Variants in ALMS1 observed in about 807,000 individuals in gnomAD.
ALMS1 encodes the protein ALMS1 centrosome and basal body associated protein, also known as centrosome-associated protein ALMS1.
A neutral mutation model predicts 352.2 loss-of-function variants in ALMS1; 271 were observed. The observed-to-expected ratio is 0.77, with a 90% CI of 0.70 to 0.85. ALMS1 has a LOEUF of 0.85. Among genes scored for constraint, ALMS1 ranks in the 40% least tolerant of loss-of-function variants. ALMS1 has a pLI of 0.00. For synonymous variants in ALMS1, 1,865 were observed against 1,761.2 expected (o/e 1.06, Z -1.48); for missense variants, 5,445 against 4,870.7 (o/e 1.12, Z -3.51).
chr2:73,522,364 C>A (rs1269469033), intron 11 of ALMS1, among the ~76,000 whole-genome samples: 1 of 152,006 alleles, frequency 6.6e-6, no homozygotes, highest in African/African-American at 2.4e-5. Context: ...ACGGGAACGA[C>A]CAAATAGAAT....
chr2:73,404,104 G>A (rs12475618), intron 1 of ALMS1, among the ~76,000 whole-genome samples: 3,413 of 152,244 alleles, frequency 0.022, 127 homozygotes, highest in Admixed American at 0.089. Flanking sequence ...CACCATTGCT[G>A]GTCAGGGTGG....
chr2:73,556,642 T>TGG (rs1553416773), intron 13 of ALMS1, among the ~76,000 whole-genome samples: 16 of 139,474 alleles, frequency 1.1e-4, no homozygotes, highest in African/African-American at 4.0e-4. Flanking sequence ...CCTTTTTTTT[T>TGG]TTGTTTTTTT....
At chr2:73,457,534 G>A (rs546751243) in intron 9 of ALMS1, among the ~76,000 whole-genome samples, 6 of 152,050 alleles carry the variant, frequency 3.9e-5, no homozygotes, top group African/African-American at 1.2e-4. Flanking sequence ...ATTACGCCTC[G>A]CCCTATGTAA....
chr2:73,405,641 C>T (rs1670957982), intron 1 of ALMS1, among the ~76,000 whole-genome samples: 2 of 150,770 alleles, frequency 1.3e-5, no homozygotes, highest in South Asian at 4.2e-4. Flanking sequence ...TTTTCTAGTT[C>T]TTCAAGGTGT....
Position 73,448,573 on chromosome 2 carries a change from C to T in ALMS1, c.2046C>T (p.Thr682=), listed in dbSNP as rs549883815. The T allele has an allele frequency of 6.2e-7, 1 of 1,613,824 alleles. No individual in the cohort carries two copies. Among genetic ancestry groups the T allele is most frequent in the South Asian group, 1.1e-5 (1 of 91,072 alleles). The change falls in exon 8 of 23, where the codon ACC becomes ACT. Residue 682 remains threonine (T), a synonymous_variant. Coordinates refer to ENST00000613296, the MANE Select transcript of ALMS1 (RefSeq NM_001378454.1). ...ACCTCCTCTTTTTCTATCGACAGAC[C>T]TTGCCAGATGGTCATCTAACTGATC... is the stretch of plus-strand genomic sequence containing the variant. The part of the protein sequence containing the change: ...VEDLLFFYRQ[T]LPDGHLTDQA...
At chr2:73,584,988 T>C (rs1675276511) in intron 16 of ALMS1, among the ~76,000 whole-genome samples, 1 of 152,226 alleles carries the variant, frequency 6.6e-6, no homozygotes, top group Non-Finnish European at 1.5e-5. Flanking sequence ...TAGTATTCCA[T>C]GGTGTATATG....
intron 20 of ALMS1, among the ~76,000 whole-genome samples, chr2:73,602,827 A>T (rs1407906857): frequency 6.6e-6 from 1 of 152,184 alleles, no homozygotes; most frequent in Non-Finnish European, 1.5e-5. Context: ...TCAAAGGGAG[A>T]TTAAGTACCT....
chr2:73,513,309 C>G (rs995291504), intron 10 of ALMS1, among the ~76,000 whole-genome samples: 1 of 152,142 alleles, frequency 6.6e-6, no homozygotes, highest in African/African-American at 2.4e-5. Flanking sequence ...TATGGACACT[C>G]TCCCCACCCC....
chr2:73,524,465 A>T (rs1673747368), intron 11 of ALMS1, among the ~76,000 whole-genome samples: 1 of 151,498 alleles, frequency 6.6e-6, no homozygotes, highest in Non-Finnish European at 1.5e-5. Context: ...TTAAGTATTT[A>T]TTTTTTTTGA....
Position 73,491,003 on chromosome 2 carries a change from A to T in ALMS1, c.9044A>T (p.Lys3015Met). 6.2e-7 allele frequency: 1 copy of T among 1,614,240 alleles called. No individual in the cohort carries two copies. Among genetic ancestry groups the T allele is most frequent in the South Asian group, 1.1e-5 (1 of 91,080 alleles). ...ATTTCTAATATAAATGTTGAAGCCA[A>T]GTTCAATACTGTGGTCTCCCAGTCA... ...SHISNINVEA[K>M]FNTVVSQSAP... is the part of the protein sequence containing the mutation. Residue 3015 changes from lysine (K) to methionine (M), a missense_variant, in exon 10 of 23, where the codon AAG (lysine) becomes ATG (methionine). Transcript: ENST00000613296.
chr2:73,399,749 T>C (rs760749414), intron 1 of ALMS1, among the ~76,000 whole-genome samples: 2 of 152,020 alleles, frequency 1.3e-5, no homozygotes, highest in African/African-American at 2.4e-5. Flanking sequence ...AAGCTTCGAG[T>C]TTCATTAGGT....
At position 73,419,184 on chromosome 2, in the gene ALMS1, C is replaced by A; in HGVS notation, c.512C>A (p.Ser171Tyr). The A allele has an allele frequency of 1.2e-6, 2 of 1,614,012 alleles. No homozygotes were observed. Among genetic ancestry groups the A allele is most frequent in the South Asian group, 2.2e-5 (2 of 91,078 alleles). ...GACTCTTCCCAAACCTTGGATACAT[C>A]CCAGACTAGGTTTAATGTGAGAACG... ...EMDSSQTLDT[S>Y]QTRFNVRTED... The change falls in exon 3 of 23, where the codon TCC becomes TAC. Residue 171 changes from serine to tyrosine, a missense_variant. By Grantham distance (144) the Ser-to-Tyr change is moderately radical. Coordinates refer to ENST00000613296, the MANE Select transcript of ALMS1 (RefSeq NM_001378454.1).
intron 10 of ALMS1, among the ~76,000 whole-genome samples, chr2:73,512,270 A>G (rs1673468201): frequency 6.6e-6 from 1 of 152,038 alleles, no homozygotes; most frequent in South Asian, 2.1e-4. Context: ...TTTTTAGTAG[A>G]GATGGGGTTT....
At position 73,519,833 on chromosome 2, in the gene ALMS1, G is replaced by A; in HGVS notation, c.9598G>A (p.Ala3200Thr). The A allele has an allele frequency of 1.2e-6, 2 of 1,613,842 alleles. No homozygotes were observed. The highest frequency in any genetic ancestry group is 1.7e-6 in the Non-Finnish European group (2 of 1,179,776). The change falls in exon 11 of 23, where the codon GCA becomes ACA. Residue 3200 changes from alanine (A) to threonine (T), a missense_variant. Physicochemically the swap from Ala to Thr is moderately conservative, Grantham distance 58. Transcript: ENST00000613296. ...TTTCTCTGAAAAATTGTCATCTGAT[G>A]CAGTCACTCAGATAACAACAGAAAG... is the stretch of plus-strand genomic sequence containing the variant. ...SAFSEKLSSD[A>T]VTQITTESPE...
chr2:73,591,314 CA>C (rs1675428224), intron 16 of ALMS1, among the ~76,000 whole-genome samples: 1 of 152,120 alleles, frequency 6.6e-6, no homozygotes, highest in African/African-American at 2.4e-5. Context: ...TTTTAATCTA[CA>C]TGGAATTTAT....
chr2:73,427,495 CT>C (rs1177986870), intron 6 of ALMS1, among the ~76,000 whole-genome samples: 24 of 147,910 alleles, frequency 1.6e-4, no homozygotes, highest in African/African-American at 3.0e-4. Context: ...TTATATCAGC[CT>C]TTTTTTTTTA....
At position 73,490,262 on chromosome 2, in the gene ALMS1, C is replaced by T; in HGVS notation, c.8303C>T (p.Thr2768Ile). 6.2e-7 allele frequency: 1 copy of T among 1,613,972 alleles called. No individual in the cohort carries two copies. Among genetic ancestry groups the T allele is most frequent in the Non-Finnish European group, 8.5e-7 (1 of 1,179,996 alleles). Residue 2768 changes from threonine to isoleucine, a missense_variant, in exon 10 of 23, where the codon ACC becomes ATC. By Grantham distance (89) the Thr-to-Ile change is moderately conservative (BLOSUM62 -1). Transcript: ENST00000613296. ...QNPPRDLKQK[T>I]SSPSSFKMHS... Reference sequence around the variant, plus strand: ...CCTCCCAGAGATCTTAAACAGAAAACCTCTTCCCCTTCATCATTTAAAATG... The same window carrying T: ...CCTCCCAGAGATCTTAAACAGAAAATCTCTTCCCCTTCATCATTTAAAATG...
chr2:73,556,511 T>C (rs1674545148), intron 13 of ALMS1, among the ~76,000 whole-genome samples: 2 of 152,118 alleles, frequency 1.3e-5, no homozygotes, highest in South Asian at 4.1e-4. Flanking sequence ...TAAAAGTGCT[T>C]TTCTTGGATT....
At chr2:73,534,632 G>T (rs983823297) in intron 11 of ALMS1, among the ~76,000 whole-genome samples, 192 bp from the exon 12 acceptor site, 1 of 152,024 alleles carries the variant, frequency 6.6e-6, no homozygotes, top group African/African-American at 2.4e-5. Context: ...CATTTAGTAT[G>T]TTAATTATTT....
Sources: gnomAD v4.1 joint callset for allele counts (sites outside exome capture counted in the v4.1 genomes callset) on GRCh38, gnomAD v4.1.1 for gene constraint, MANE v1.5 for transcripts, NCBI Gene and HGNC (gene_info 2026-07-23, HGNC 2026-07-21) for gene names.